BCAR3: variants seen among roughly 807,000 people sequenced by gnomAD.
The protein encoded by BCAR3 is breast cancer anti-estrogen resistance protein 3.
In BCAR3, 37 loss-of-function variants were observed where a neutral mutation model predicts 80.1. That is an observed-to-expected ratio of 0.46 (90% CI 0.36 to 0.61). BCAR3 has a LOEUF of 0.61. Among genes scored for constraint, BCAR3 ranks in the 20% least tolerant of loss-of-function variants. BCAR3 has a pLI of 0.00. For missense variants in BCAR3, 978 were observed against 1,068.2 expected (o/e 0.92, Z 1.18); for synonymous variants, 389 against 418.9 (o/e 0.93, Z 0.87).
chr1:93,616,087 C>T (rs377275607), intron 3 of BCAR3, among the ~76,000 whole-genome samples: 1 of 152,194 alleles, frequency 6.6e-6, no homozygotes, highest in African/African-American at 2.4e-5. Context: ...AAGTGCTCCA[C>T]AGCCAGGGTA....
At chr1:93,732,481 G>C (rs541624238) in intron 2 of BCAR3, among the ~76,000 whole-genome samples, 3 of 152,128 alleles carry the variant, frequency 2.0e-5, no homozygotes, top group African/African-American at 7.2e-5. Flanking sequence ...CGGGAGTGGT[G>C]GTGGGTGCCT....
intron 2 of BCAR3, among the ~76,000 whole-genome samples, chr1:93,643,828 AAT>A (rs1571001059): frequency 6.6e-6 from 1 of 152,174 alleles, no homozygotes; most frequent in Admixed American, 6.5e-5. Flanking sequence ...TGAGATGATG[AAT>A]ATGTTAATTT....
At chr1:93,765,609 A>T (rs1652117994) in intron 2 of BCAR3, among the ~76,000 whole-genome samples, 1 of 151,694 alleles carries the variant, frequency 6.6e-6, no homozygotes, top group Non-Finnish European at 1.5e-5. Context: ...TCCCTTTATT[A>T]TTATTATCAT....
chr1:93,659,881 C>T (rs1647568507), intron 2 of BCAR3, among the ~76,000 whole-genome samples: 1 of 152,090 alleles, frequency 6.6e-6, no homozygotes, highest in Non-Finnish European at 1.5e-5. Context: ...GTGCTCCTTT[C>T]CTATGAATTA....
chr1:93,845,502 A>ATATATATATATATATATATTGTCAAG, intron 2 of BCAR3: 1 of 113,822 alleles, frequency 8.8e-6, no homozygotes, highest in Non-Finnish European at 1.8e-5. Flanking sequence ...ATATATATAT[A>ATATATATATATATATATATTGTCAAG]AAACTTTGTT....
At chr1:93,773,178 C>T (rs890780628) in intron 2 of BCAR3, among the ~76,000 whole-genome samples, 1 of 152,190 alleles carries the variant, frequency 6.6e-6, no homozygotes, top group Non-Finnish European at 1.5e-5. Context: ...ATGTTTCCTC[C>T]TGTTGACTAA....
chr1:93,626,425 C>T (rs1316195097), intron 3 of BCAR3, among the ~76,000 whole-genome samples: 1 of 152,190 alleles, frequency 6.6e-6, no homozygotes. Flanking sequence ...CCCTCTGGTA[C>T]AGTGGTGCTC....
At chr1:93,837,589 C>G (rs1488519580) in intron 2 of BCAR3, among the ~76,000 whole-genome samples, 1 of 152,242 alleles carries the variant, frequency 6.6e-6, no homozygotes, top group Non-Finnish European at 1.5e-5. Context: ...CATTCCTTCT[C>G]CAGGATCCAT....
intron 2 of BCAR3, among the ~76,000 whole-genome samples, chr1:93,814,150 G>A (rs1275483091): frequency 6.6e-6 from 1 of 152,182 alleles, no homozygotes; most frequent in Non-Finnish European, 1.5e-5. Flanking sequence ...TCTCTGCAAA[G>A]GCAGTAAATG....
chr1:93,705,828 T>C (rs1649810978), intron 3 of BCAR3, among the ~76,000 whole-genome samples: 1 of 151,628 alleles, frequency 6.6e-6, no homozygotes, highest in Non-Finnish European at 1.5e-5. Flanking sequence ...TGATATCATA[T>C]TGTCATTACT....
chr1:93,567,802 T>C lies in BCAR3; in HGVS notation c.2024A>G (p.Gln675Arg), dbSNP rs374978077. 2 of 1,614,248 alleles carry C rather than the reference T, an allele frequency of 1.2e-6. No homozygotes were observed. The highest frequency in any genetic ancestry group is 1.7e-6 in the Non-Finnish European group (2 of 1,180,040). ...CTGTTTCTCATAGAGAATGGCAGTT[T>C]GGGTGTACTGGTGCCGCAGAGCAGT... ...TWTALRHQYT[Q>R]TAILYEKQLK... is the part of the protein sequence containing the mutation. Residue 675 changes from glutamine (Q) to arginine (R), a missense_variant, in exon 10 of 12, where the codon CAA becomes CGA. Coordinates refer to ENST00000260502, the MANE Select transcript of BCAR3 (RefSeq NM_003567.4).
At chr1:93,726,624 C>T (rs945882615) in intron 2 of BCAR3, among the ~76,000 whole-genome samples, 1 of 152,192 alleles carries the variant, frequency 6.6e-6, no homozygotes, top group Non-Finnish European at 1.5e-5. Context: ...AGCTCTCACA[C>T]TTTTGCCCAC....
Position 93,582,775 on chromosome 1 carries a change from C to G in BCAR3, c.1212G>C (p.Pro404=). The G allele has an allele frequency of 6.2e-7, 1 of 1,614,028 alleles. No homozygotes were observed. The highest frequency in any genetic ancestry group is 8.5e-7 in the Non-Finnish European group (1 of 1,180,006). ...GSDSQLCPKP[P]PKPCKVPFLK... ...GGAACGGCACCTTGCAGGGCTTAGG[C>G]GGGGGCTTAGGGCACAGTTGACTGT... The change falls in exon 7 of 12, where the codon CCG becomes CCC. Residue 404 remains proline, a synonymous_variant. Coordinates refer to ENST00000260502, the MANE Select transcript of BCAR3 (RefSeq NM_003567.4).
rs543556534 is a variant in BCAR3, at chr1:93,632,266, G to A, written c.357+10038C>T. On this transcript the variant is annotated intron_variant, in intron 3 of 11. Coordinates refer to ENST00000260502, the MANE Select transcript of BCAR3 (RefSeq NM_003567.4). Reference sequence around the variant, plus strand: ...ACAGCAAAGGTGCAAACAGCCTAGAGCAAGGGTCAGAAAACTCTGTAAAAG... The same window carrying A: ...ACAGCAAAGGTGCAAACAGCCTAGAACAAGGGTCAGAAAACTCTGTAAAAG... Among the ~76,000 whole-genome samples the A allele has an allele frequency of 4.6e-5, 7 of 152,362 alleles. No homozygotes were observed. The South Asian group carries it at 1.5e-3, about 32-fold the overall frequency.
At chr1:93,786,192 CAAAAAAAAAAAAAA>C (rs61644309) in intron 2 of BCAR3, among the ~76,000 whole-genome samples, 1 of 23,242 alleles carries the variant, frequency 4.3e-5, no homozygotes, top group Non-Finnish European at 7.1e-5. Context: ...GACTCCGTCT[CAAAAAAAAAAAAAA>C]AAAAAAAAAA....
At chr1:93,689,247 G>A (rs996358324) in intron 3 of BCAR3, among the ~76,000 whole-genome samples, 7 of 152,078 alleles carry the variant, frequency 4.6e-5, no homozygotes, top group Non-Finnish European at 1.0e-4. Flanking sequence ...AGCACTTTGG[G>A]AGGTTGAGGC....
At chr1:93,775,911 C>G (rs986746703) in intron 2 of BCAR3, among the ~76,000 whole-genome samples, 3 of 152,170 alleles carry the variant, frequency 2.0e-5, no homozygotes, top group African/African-American at 4.8e-5. Flanking sequence ...TTTTTCTGCA[C>G]TTTTTGAATT....
At chr1:93,836,275 C>T (rs927004625) in intron 2 of BCAR3, among the ~76,000 whole-genome samples, 3 of 152,142 alleles carry the variant, frequency 2.0e-5, no homozygotes, top group Non-Finnish European at 4.4e-5. Context: ...TTGGATAGAG[C>T]CTAAAAACTT....
chr1:93,811,892 C>T (rs560649093), intron 2 of BCAR3, among the ~76,000 whole-genome samples: 2 of 152,260 alleles, frequency 1.3e-5, no homozygotes, highest in Admixed American at 1.3e-4. Flanking sequence ...AGCTTGAAAT[C>T]GGCCATTATG....
Sources: allele counts gnomAD v4.1 joint callset (sites outside exome capture counted in the v4.1 genomes callset), GRCh38; gene constraint gnomAD v4.1.1; transcripts MANE v1.5; gene names NCBI Gene and HGNC (gene_info 2026-07-23, HGNC 2026-07-21).